Variants in ZBTB8A observed in about 807,000 individuals in gnomAD.
ZBTB8A encodes the protein zinc finger and BTB domain-containing protein 8A.
ZBTB8A carries 19 observed loss-of-function variants against 37.8 expected under a neutral mutation model. That is an observed-to-expected ratio of 0.50 (90% CI 0.35 to 0.74). ZBTB8A has a LOEUF of 0.74. Among genes scored for constraint, ZBTB8A ranks in the 30% least tolerant of loss-of-function variants. ZBTB8A has a pLI of 0.01. For missense variants in ZBTB8A, 394 were observed against 537.8 expected (o/e 0.73, Z 2.65); for synonymous variants, 181 against 185.2 (o/e 0.98, Z 0.19).
chr1:32,543,133 G>T (rs1229866945), intron 1 of ZBTB8A, among the ~76,000 whole-genome samples: 1 of 151,962 alleles, frequency 6.6e-6, no homozygotes, highest in Non-Finnish European at 1.5e-5. Flanking sequence ...GCCCAGGCTG[G>T]AGTGCAATGG....
Position 32,577,830 on chromosome 1 carries a change from G to C in ZBTB8A, c.-1-15101G>C, listed in dbSNP as rs145644854. ...ACTCCTGGCCTCAAGTAATCTGCCT[G>C]TTTCAGCCTCCCAAAATACTGGGAT... On this transcript the variant is annotated intron_variant, in intron 2 of 4. Coordinates refer to ENST00000373510, the MANE Select transcript of ZBTB8A (RefSeq NM_001040441.3). Among the ~76,000 whole-genome samples, 993 of 151,836 alleles carry C rather than the reference G, an allele frequency of 6.5e-3. 15 individuals carry two copies. Among genetic ancestry groups the C allele is most frequent in the South Asian group, 0.036 (174 of 4,816 alleles).
At chr1:32,585,762 G>T (rs1051749331) in intron 2 of ZBTB8A, among the ~76,000 whole-genome samples, 1 of 152,110 alleles carries the variant, frequency 6.6e-6, no homozygotes, top group African/African-American at 2.4e-5. Context: ...CAGCACTTTG[G>T]GAGGCCAAGG....
chr1:32,573,582 G>A (rs990196910), intron 2 of ZBTB8A, among the ~76,000 whole-genome samples: 14 of 150,618 alleles, frequency 9.3e-5, no homozygotes, highest in African/African-American at 1.5e-4. Context: ...ACAGGCGTAA[G>A]CCACCACATT....
At chr1:32,581,281 TTAA>T (rs1213523959) in intron 2 of ZBTB8A, among the ~76,000 whole-genome samples, 1 of 109,094 alleles carries the variant, frequency 9.2e-6, no homozygotes, top group East Asian at 2.3e-4. Context: ...TAATACAATA[TTAA>T]TATATATTTA....
intron 2 of ZBTB8A, among the ~76,000 whole-genome samples, chr1:32,559,210 C>A (rs1361144637): frequency 6.6e-6 from 1 of 150,874 alleles, no homozygotes. Flanking sequence ...TTCCCGGGTT[C>A]AAGCCTTTTT....
intron 2 of ZBTB8A, among the ~76,000 whole-genome samples, chr1:32,556,502 G>A (rs1363357210): frequency 6.6e-6 from 1 of 152,126 alleles, no homozygotes; most frequent in Non-Finnish European, 1.5e-5. Context: ...AAGTAGCTGG[G>A]ACCACAGGCA....
chr1:32,599,741 A>G (rs1258981918), intron 4 of ZBTB8A, among the ~76,000 whole-genome samples: 1 of 151,576 alleles, frequency 6.6e-6, no homozygotes, highest in African/African-American at 2.4e-5. Context: ...AAATAAATAA[A>G]TAATAAAAAT....
chr1:32,592,826 A>G, intron 2 of ZBTB8A, 105 bp from the exon 3 acceptor site: 1 of 923,966 alleles, frequency 1.1e-6, no homozygotes, highest in Non-Finnish European at 1.6e-6. Flanking sequence ...CTTTGATCAC[A>G]CCACTGCACT....
rs1644594031 is a variant in ZBTB8A, at chr1:32,603,567, G to T, written c.*3148G>T. ...AGTTGTTGGAGCCAGTAGGAAAAATGGCTGATTTGAACTTTTTTCCTATAA... is the reference window on the plus strand; with the variant it reads ...AGTTGTTGGAGCCAGTAGGAAAAATTGCTGATTTGAACTTTTTTCCTATAA... On this transcript the variant is annotated 3_prime_UTR_variant, in exon 5 of 5. Transcript: ENST00000373510. The T allele has an allele frequency of 6.6e-6, 1 of 152,598 alleles. No homozygotes were observed. The highest frequency in any genetic ancestry group is 2.4e-5 in the African/African-American group (1 of 41,440). 9.5% of individuals were successfully genotyped at this position (152,598 alleles called of 1,614,324 possible).
chr1:32,578,681 T>A (rs925206178), intron 2 of ZBTB8A, among the ~76,000 whole-genome samples: 2 of 151,874 alleles, frequency 1.3e-5, no homozygotes, highest in African/African-American at 4.8e-5. Flanking sequence ...CCTTCTGATT[T>A]AAAAAAATAT....
intron 2 of ZBTB8A, among the ~76,000 whole-genome samples, chr1:32,569,113 G>A (rs1053301264): frequency 5.9e-5 from 9 of 152,096 alleles, no homozygotes; most frequent in African/African-American, 1.9e-4. Flanking sequence ...CCACATCCTT[G>A]CCAACATTTG....
At chr1:32,561,229 G>C (rs72652171) in intron 2 of ZBTB8A, among the ~76,000 whole-genome samples, 18,054 of 152,080 alleles carry the variant, frequency 0.12, 1,149 homozygotes, top group African/African-American at 0.19. Flanking sequence ...CTGTGCCTTG[G>C]CTCAAACTAT....
intron 3 of ZBTB8A, among the ~76,000 whole-genome samples, chr1:32,594,004 C>T (rs1644510486): frequency 6.6e-6 from 1 of 151,920 alleles, no homozygotes; most frequent in African/African-American, 2.4e-5. Context: ...CCAGCCTGGC[C>T]AACATGGCAA....
At chr1:32,598,100 A>G (rs1310251266) in intron 4 of ZBTB8A, among the ~76,000 whole-genome samples, 1 of 151,974 alleles carries the variant, frequency 6.6e-6, no homozygotes, top group Non-Finnish European at 1.5e-5. Context: ...AATTCATTCA[A>G]ATCATGTACT....
intron 2 of ZBTB8A, among the ~76,000 whole-genome samples, chr1:32,588,775 A>G (rs1398617701): frequency 1.3e-5 from 2 of 151,964 alleles, no homozygotes; most frequent in Non-Finnish European, 2.9e-5. Context: ...CCTGAAGTTG[A>G]GAGTTCGAGA....
intron 2 of ZBTB8A, among the ~76,000 whole-genome samples, chr1:32,586,391 C>T (rs1035191433): frequency 1.3e-5 from 2 of 152,114 alleles, no homozygotes; most frequent in Non-Finnish European, 1.5e-5. Context: ...AATTGACTAT[C>T]TGTTGTCTAA....
intron 2 of ZBTB8A, among the ~76,000 whole-genome samples, chr1:32,565,613 A>G (rs909762420): frequency 2.0e-5 from 3 of 152,158 alleles, no homozygotes; most frequent in African/African-American, 7.2e-5. Flanking sequence ...GTGATCACCT[A>G]CTGCAGTCCA....
intron 1 of ZBTB8A, among the ~76,000 whole-genome samples, chr1:32,549,492 CAA>C (rs796747835): frequency 4.3e-4 from 47 of 110,174 alleles, no homozygotes; most frequent in Non-Finnish European, 3.5e-4. Context: ...AACTCCGTCT[CAA>C]AAAAAAAAAA....
chr1:32,578,143 C>T (rs376448234), intron 2 of ZBTB8A, among the ~76,000 whole-genome samples: 3 of 152,118 alleles, frequency 2.0e-5, no homozygotes, highest in South Asian at 4.2e-4. Flanking sequence ...TAGCTTACTG[C>T]AACCTCTACC....
Sources: gnomAD v4.1 joint callset for allele counts (sites outside exome capture counted in the v4.1 genomes callset) on GRCh38, gnomAD v4.1.1 for gene constraint, MANE v1.5 for transcripts, NCBI Gene and HGNC (gene_info 2026-07-23, HGNC 2026-07-21) for gene names.